The following MCPH1 variants were observed in gnomAD, a reference collection of about 807,000 sequenced individuals.
The protein encoded by MCPH1 is microcephalin.
A neutral mutation model predicts 84.5 loss-of-function variants in MCPH1; 104 were observed. The observed-to-expected ratio is 1.23, with a 90% confidence interval of 1.05 to 1.45. MCPH1 has a LOEUF of 1.45. Among genes scored for constraint, MCPH1 ranks in the 40% most tolerant of loss-of-function variants. MCPH1 has a pLI of 0.00. For synonymous variants in MCPH1, 514 were observed against 366.8 expected (o/e 1.40, Z -4.58); for missense variants, 1,498 against 1,005.7 (o/e 1.49, Z -6.62).
intron 12 of MCPH1, among the ~76,000 whole-genome samples, chr8:6,515,278 G>A (rs7816398): frequency 0.27 from 40,811 of 152,030 alleles, 6,325 homozygotes; most frequent in East Asian, 0.7. Context: ...GAGGACTCCT[G>A]TTACATTCTC....
At chr8:6,431,341 C>A (rs1348315188) in intron 3 of MCPH1, among the ~76,000 whole-genome samples, 158 bp from the exon 4 acceptor site, 1 of 152,144 alleles carries the variant, frequency 6.6e-6, no homozygotes, top group Non-Finnish European at 1.5e-5. Context: ...TTGATTTATA[C>A]TGACTTTTGT....
intron 12 of MCPH1, among the ~76,000 whole-genome samples, chr8:6,531,524 T>G (rs778837024): frequency 2.6e-5 from 4 of 152,160 alleles, no homozygotes; most frequent in Non-Finnish European, 5.9e-5. Context: ...ACTCCTGACC[T>G]CAGGTGATCC....
At chr8:6,570,693 G>A (rs557726415) in intron 12 of MCPH1, among the ~76,000 whole-genome samples, 2 of 151,990 alleles carry the variant, frequency 1.3e-5, no homozygotes, top group Non-Finnish European at 2.9e-5. Context: ...TCAGGTGCTT[G>A]GCATTCTTAT....
rs184616523 is a variant in MCPH1 at position 6,643,755 on chromosome 8, G to T, written c.*706G>T. 6.7e-6 allele frequency: 1 copy of T among 148,176 alleles called. No homozygotes were observed. The highest frequency in any genetic ancestry group is 1.5e-5 in the Non-Finnish European group (1 of 65,696). 9.2% of individuals were successfully genotyped at this position (148,176 alleles called of 1,614,324 possible). On this transcript the variant is annotated 3_prime_UTR_variant, in exon 14 of 14. Coordinates refer to ENST00000344683, the MANE Select transcript of MCPH1 (RefSeq NM_024596.5). Reference sequence around the variant, plus strand: ...GCTATTAAGGTGACTTTTATCTAGCGGAGATTCCTCTCTTAAAGTAATGAA... The same window carrying T: ...GCTATTAAGGTGACTTTTATCTAGCTGAGATTCCTCTCTTAAAGTAATGAA...
intron 12 of MCPH1, among the ~76,000 whole-genome samples, chr8:6,586,853 C>T (rs574457455): frequency 6.6e-6 from 1 of 152,282 alleles, no homozygotes; most frequent in South Asian, 2.1e-4. Context: ...AATCCTGTCG[C>T]TGGCTTTAGT....
At chr8:6,611,240 A>G (rs959911547) in intron 12 of MCPH1, among the ~76,000 whole-genome samples, 1 of 152,058 alleles carries the variant, frequency 6.6e-6, no homozygotes, top group Non-Finnish European at 1.5e-5. Context: ...GTGTCCTACA[A>G]TCCAATTGTG....
intron 12 of MCPH1, among the ~76,000 whole-genome samples, chr8:6,571,322 A>C (rs1488776230): frequency 6.6e-6 from 1 of 152,218 alleles, no homozygotes; most frequent in East Asian, 1.9e-4. Flanking sequence ...TGTTAAGTCA[A>C]ATAAAGTATT....
chr8:6,625,036 A>G (rs1049529803), intron 13 of MCPH1: 1 of 494,920 alleles, frequency 2.0e-6, no homozygotes, highest in African/African-American at 2.1e-5. Context: ...CACCATGCCC[A>G]GGTAATTTTT....
At chr8:6,638,927 C>T (rs541877754) in intron 13 of MCPH1, among the ~76,000 whole-genome samples, 4 of 152,302 alleles carry the variant, frequency 2.6e-5, no homozygotes, top group African/African-American at 9.6e-5. Context: ...GAGTGCTGCC[C>T]GCACACTCAG....
chr8:6,540,348 T>C (rs1469680548), intron 12 of MCPH1, among the ~76,000 whole-genome samples: 3 of 152,246 alleles, frequency 2.0e-5, no homozygotes, highest in African/African-American at 7.2e-5. Context: ...TTCTCATCAA[T>C]AGCAGGCATT....
intron 12 of MCPH1, among the ~76,000 whole-genome samples, chr8:6,597,119 G>C (rs1828989050): frequency 6.6e-6 from 1 of 152,176 alleles, no homozygotes; most frequent in African/African-American, 2.4e-5. Flanking sequence ...AGCACTTCTT[G>C]TACCTTATCT....
In MCPH1 at chr8:6,445,191, G is replaced by T; in HGVS notation, c.1469G>T (p.Gly490Val). Reference sequence around the variant, plus strand: ...TCCAGTCCTCGGAAAACTGGAAATGGTGAAGGCCGTGCAACTTCGAGTTGC... The same window carrying T: ...TCCAGTCCTCGGAAAACTGGAAATGTTGAAGGCCGTGCAACTTCGAGTTGC... ...TISSPRKTGN[G>V]EGRATSSCVT... The change falls in exon 8 of 14, where the codon GGT becomes GTT. Residue 490 changes from glycine (G) to valine (V), a missense_variant. Transcript: ENST00000344683. 6.2e-7 allele frequency: 1 copy of T among 1,614,232 alleles called. No individual in the cohort carries two copies. The highest frequency in any genetic ancestry group is 8.5e-7 in the Non-Finnish European group (1 of 1,180,042).
intron 1 of MCPH1, among the ~76,000 whole-genome samples, chr8:6,408,524 T>C (rs947051921): frequency 6.6e-6 from 1 of 151,954 alleles, no homozygotes; most frequent in Non-Finnish European, 1.5e-5. Flanking sequence ...GTTCAGCCAG[T>C]AGAAGAAACT....
intron 12 of MCPH1, among the ~76,000 whole-genome samples, chr8:6,572,761 C>G (rs1826765503): frequency 6.6e-6 from 1 of 152,196 alleles, no homozygotes. Flanking sequence ...CTGTTCACCC[C>G]AAGCTTACAG....
At chr8:6,415,091 A>G (rs1346205711) in intron 3 of MCPH1, among the ~76,000 whole-genome samples, 1 of 152,060 alleles carries the variant, frequency 6.6e-6, no homozygotes, top group East Asian at 1.9e-4. Context: ...CCTAGGGGGA[A>G]AAGGAGCCTG....
At chr8:6,563,028 T>C in intron 12 of MCPH1, 1 of 1,359,026 alleles carries the variant, frequency 7.4e-7, no homozygotes, top group East Asian at 2.4e-5. Flanking sequence ...GCAGGGCTGC[T>C]ACGCTGCCAT....
intron 11 of MCPH1, among the ~76,000 whole-genome samples, chr8:6,483,224 T>C (rs754608458): frequency 6.4e-4 from 98 of 152,206 alleles, no homozygotes; most frequent in Non-Finnish European, 1.0e-3. Flanking sequence ...TTAGAAGACA[T>C]AGTACAGTGA....
Position 6,640,097 on chromosome 8 carries a change from T to TGTGTGTGTGC in MCPH1, c.2453-2896_2453-2895insTGTGTGTGCG, listed in dbSNP as rs1242280817. Among the ~76,000 whole-genome samples, 119 of 131,480 alleles carry TGTGTGTGTGC rather than the reference T, an allele frequency of 9.1e-4. No homozygotes were observed. The East Asian group carries it at 0.011, about 13-fold the overall frequency. 86.3% of individuals were successfully genotyped at this position (131,480 alleles called of 152,430 possible). On this transcript the variant is annotated intron_variant, in intron 13 of 13. Coordinates refer to ENST00000344683, the MANE Select transcript of MCPH1 (RefSeq NM_024596.5). ...GTGTGTGTGTGTGTGTGTGTGTGTG[T>TGTGTGTGTGC]GCGCGCGCGTGTGTGTGTGTGTGCG...
At chr8:6,447,757 G>C (rs1166884928) in intron 8 of MCPH1, among the ~76,000 whole-genome samples, 2 of 152,110 alleles carry the variant, frequency 1.3e-5, no homozygotes, top group African/African-American at 4.8e-5. Context: ...TCACGTCTTG[G>C]CCAGGCTGGT....
Sources: allele counts gnomAD v4.1 joint callset (sites outside exome capture counted in the v4.1 genomes callset), GRCh38; gene constraint gnomAD v4.1.1; transcripts MANE v1.5; gene names NCBI Gene and HGNC (gene_info 2026-07-23, HGNC 2026-07-21).